VPS37A: variants seen among roughly 807,000 people sequenced by gnomAD.
VPS37A encodes the protein VPS37A subunit of ESCRT-I.
VPS37A carries 30 observed loss-of-function variants against 49.8 expected under a neutral mutation model. That is an observed-to-expected ratio of 0.60 (90% CI 0.45 to 0.82). VPS37A has a LOEUF of 0.82. Among genes scored for constraint, VPS37A ranks in the 40% least tolerant of loss-of-function variants. The pLI, the probability that VPS37A is intolerant of heterozygous loss-of-function variation, is 0.00. For missense variants in VPS37A, 593 were observed against 464.4 expected (o/e 1.28, Z -2.55); for synonymous variants, 195 against 160.6 (o/e 1.21, Z -1.62).
chr8:17,329,303 C>G, the VPS37A span, among the ~76,000 whole-genome samples: 1 of 152,162 alleles, frequency 6.6e-6, no homozygotes, highest in South Asian at 2.1e-4. Context: ...TCGGTAAAAA[C>G]AGATAGTCAA....
In VPS37A at chr8:17,282,990, T is replaced by G. The variant is rs565774064; in HGVS notation, c.970-1483T>G. Among the ~76,000 whole-genome samples the G allele has an allele frequency of 1.1e-4, 17 of 152,288 alleles. No individual in the cohort carries two copies. The South Asian group carries it at 3.5e-3, about 32-fold the overall frequency. ...TTTAATGAATAAATAACTGGAAACT[T>G]TGGAAAATATGTTCAACTTTACTGT... On this transcript the variant is annotated intron_variant, in intron 9 of 11. Transcript: ENST00000324849.
At chr8:17,260,415 AC>A (rs1318444987) in intron 1 of VPS37A, among the ~76,000 whole-genome samples, 1 of 152,022 alleles carries the variant, frequency 6.6e-6, no homozygotes, top group Non-Finnish European at 1.5e-5. Flanking sequence ...CTATCTCTTA[AC>A]AGGTGGTTGT....
chr8:17,253,610 T>C (rs940770716), intron 1 of VPS37A, among the ~76,000 whole-genome samples: 3 of 152,242 alleles, frequency 2.0e-5, no homozygotes, highest in African/African-American at 4.8e-5. Context: ...ATGTACACTG[T>C]ATTTCCCTGA....
chr8:17,284,224 A>G lies in VPS37A; in HGVS notation c.970-249A>G, dbSNP rs191960024. Among the ~76,000 whole-genome samples, 12 of 152,322 alleles carry G rather than the reference A, an allele frequency of 7.9e-5. No homozygotes were observed. The East Asian group carries it at 2.3e-3, about 29-fold the overall frequency. On this transcript the variant is annotated intron_variant, in intron 9 of 11. Transcript: ENST00000324849. ...ATTCGTAAATCCTTAGGAGAGAACA[A>G]TGATTTTCCCAGTTTCTCTCATTTA...
intron 9 of VPS37A, among the ~76,000 whole-genome samples, chr8:17,282,887 G>GA (rs1185512080): frequency 6.6e-6 from 1 of 152,150 alleles, no homozygotes; most frequent in Non-Finnish European, 1.5e-5. Context: ...CGTGATGGAG[G>GA]AATCTGTTCT....
chr8:17,271,256 T>C (rs1356557898), intron 4 of VPS37A, among the ~76,000 whole-genome samples: 1 of 152,220 alleles, frequency 6.6e-6, no homozygotes, highest in African/African-American at 2.4e-5. Flanking sequence ...TAGCCTCTTT[T>C]TCATTTGGTA....
At chr8:17,299,895 C>G (rs368498758), downstream of VPS37A, 40 of 1,613,978 alleles carry the variant, frequency 2.5e-5, no homozygotes, top group Non-Finnish European at 3.1e-5. Context: ...CATCAGAATC[C>G]CGGTCCTTGC....
chr8:17,266,068 G>A, intron 2 of VPS37A, 87 bp downstream of exon 2: 1 of 1,187,512 alleles, frequency 8.4e-7, no homozygotes, highest in South Asian at 1.4e-5. Flanking sequence ...AAACTTTTAA[G>A]GTGAACTTAT....
intron 1 of VPS37A, among the ~76,000 whole-genome samples, chr8:17,251,289 GA>G (rs1342924387): frequency 1.3e-5 from 2 of 152,174 alleles, no homozygotes; most frequent in Non-Finnish European, 2.9e-5. Context: ...AAATGACTGG[GA>G]GGAAGAAATG....
chr8:17,247,026 C>T lies in VPS37A; in HGVS notation c.-219C>T, dbSNP rs1028857716. The T allele has an allele frequency of 1.8e-5, 11 of 616,818 alleles. No homozygotes were observed. In the Admixed American group the frequency reaches 2.1e-4, roughly 12 times the overall value. The allele number at this position is 616,818 out of a possible 1,614,324, so 38.2% of individuals were successfully genotyped here. A position where few individuals can be genotyped will look rare whatever the true frequency, so the allele number is the denominator to read the frequency against. On this transcript the variant is annotated 5_prime_UTR_variant, in exon 1 of 12. Coordinates refer to ENST00000324849, the MANE Select transcript of VPS37A (RefSeq NM_152415.3). ...GCCGTGAAGGTGGGACCTCCTGTTC[C>T]GGGCCGCAAGTTTCCCTCTCCAGCC...
At position 17,284,578 on chromosome 8, in the gene VPS37A, A is replaced by T; in HGVS notation, c.1075A>T (p.Ile359Leu). 2 of 1,601,078 alleles carry T rather than the reference A, an allele frequency of 1.2e-6. No individual in the cohort carries two copies. Among genetic ancestry groups the T allele is most frequent in the Non-Finnish European group, 1.7e-6 (2 of 1,175,578 alleles). ...AGACTTCTTGGAGGGAAAGATGGAA[A>T]TAGATGATTTTCTCAGTAGCTTCAT... ...AEDFLEGKME[I>L]DDFLSSFMEK... The change falls in exon 10 of 12, where the codon ATA becomes TTA. Residue 359 changes from isoleucine (I) to leucine (L), a missense_variant. By Grantham distance (5) the Ile-to-Leu change is conservative. Transcript: ENST00000324849.
At chr8:17,306,298 T>C (rs1157562785), downstream of VPS37A, among the ~76,000 whole-genome samples, 1 of 152,146 alleles carries the variant, frequency 6.6e-6, no homozygotes, top group Middle Eastern at 3.2e-3. Flanking sequence ...TGTTGCACTT[T>C]ATGAGCGGGT....
intron 1 of VPS37A, among the ~76,000 whole-genome samples, chr8:17,251,138 A>T (rs1052463477): frequency 6.6e-6 from 1 of 152,124 alleles, no homozygotes; most frequent in South Asian, 2.1e-4. Flanking sequence ...ACTAGAGGTG[A>T]ATAAGGATTG....
intron 9 of VPS37A, among the ~76,000 whole-genome samples, chr8:17,282,958 A>G (rs1041736261): frequency 2.6e-5 from 4 of 152,210 alleles, no homozygotes; most frequent in South Asian, 2.1e-4. Context: ...TAGGTACTCA[A>G]TAAATATTTA....
At chr8:17,331,096 T>G in the VPS37A span, 1 of 1,566,554 alleles carries the variant, frequency 6.4e-7, no homozygotes, top group South Asian at 1.2e-5. Context: ...TATTCCCTTT[T>G]GGCATCAAAA....
rs1813412423 is a variant in VPS37A, at chr8:17,265,998, C to T, written c.200+17C>T. On this transcript the variant is annotated intron_variant, in intron 2 of 11. Coordinates refer to ENST00000324849, the MANE Select transcript of VPS37A (RefSeq NM_152415.3). ...CATTAATATGTGAGTAGAATTGTAT[C>T]CTACTTTTTCATGTAAAAGGACTTA... 2 of 1,591,016 alleles carry T rather than the reference C, an allele frequency of 1.3e-6. No homozygotes were observed. The highest frequency in any genetic ancestry group is 1.4e-5 in the African/African-American group (1 of 74,002).
Position 17,256,577 on chromosome 8 carries a change from C to T in VPS37A, c.125+9208C>T, listed in dbSNP as rs1272178775. ...GATGGATAGTTTACAAAAGTTTTCT[C>T]CCGTTTTTTGGGTTGTCTCTTTACT... On this transcript the variant is annotated intron_variant, in intron 1 of 11. Coordinates refer to ENST00000324849, the MANE Select transcript of VPS37A (RefSeq NM_152415.3). 2.6e-5 allele frequency among the ~76,000 whole-genome samples: 4 copies of T among 151,594 alleles called. No individual in the cohort carries two copies. The East Asian group carries it at 5.8e-4, about 22-fold the overall frequency.
chr8:17,270,864 A>G (rs544755818), intron 4 of VPS37A, among the ~76,000 whole-genome samples: 23 of 152,300 alleles, frequency 1.5e-4, no homozygotes, highest in Non-Finnish European at 2.8e-4. Context: ...ATCAGATTCA[A>G]GTACAGATGA....
intron 11 of VPS37A, among the ~76,000 whole-genome samples, chr8:17,293,136 G>T (rs1816299575): frequency 6.6e-6 from 1 of 151,906 alleles, no homozygotes; most frequent in African/African-American, 2.4e-5. Flanking sequence ...TTTCTTGGAG[G>T]CTTTGTTTGT....
Sources: allele counts gnomAD v4.1 joint callset (sites outside exome capture counted in the v4.1 genomes callset), GRCh38; gene constraint gnomAD v4.1.1; transcripts MANE v1.5; gene names NCBI Gene and HGNC (gene_info 2026-07-23, HGNC 2026-07-21).